Variants in GRIN2A observed in about 807,000 individuals in gnomAD.
The protein encoded by GRIN2A is glutamate ionotropic receptor NMDA type subunit 2A.
A neutral mutation model predicts 113.4 loss-of-function variants in GRIN2A; 22 were observed. The ratio of observed to expected loss-of-function variants is 0.19; its 90% confidence interval spans 0.14 to 0.28. The LOEUF is 0.28. Ranked by LOEUF, GRIN2A falls within the 10% of genes least tolerant of loss-of-function variation. GRIN2A has a pLI of 1.00. For synonymous variants in GRIN2A, 827 were observed against 738.4 expected (o/e 1.12, Z -1.94); for missense variants, 1,502 against 1,887.0 (o/e 0.80, Z 3.78).
chr16:9,795,657 A>T (rs139650799), intron 11 of GRIN2A, among the ~76,000 whole-genome samples: 5 of 152,314 alleles, frequency 3.3e-5, no homozygotes, highest in African/African-American at 9.6e-5. Context: ...TACAGGGTCT[A>T]TGCTAAGCTA....
At chr16:9,853,957 C>G (rs1254186303) in intron 4 of GRIN2A, among the ~76,000 whole-genome samples, 1 of 151,816 alleles carries the variant, frequency 6.6e-6, no homozygotes, top group Non-Finnish European at 1.5e-5. Flanking sequence ...AATATTATAC[C>G]TCAATAATCT....
intron 2 of GRIN2A, among the ~76,000 whole-genome samples, chr16:10,158,493 C>T (rs541994231): frequency 6.5e-4 from 99 of 152,112 alleles, no homozygotes; most frequent in Non-Finnish European, 1.1e-3. Context: ...GCACCATTCA[C>T]AATAGCTAAC....
intron 2 of GRIN2A, among the ~76,000 whole-genome samples, chr16:10,074,034 G>C (rs980148530): frequency 1.3e-5 from 2 of 151,612 alleles, no homozygotes; most frequent in Admixed American, 1.3e-4. Context: ...CTCAACAATA[G>C]AAAGGCGACT....
At chr16:9,806,633 C>T (rs1159900879) in intron 10 of GRIN2A, among the ~76,000 whole-genome samples, 3 of 149,780 alleles carry the variant, frequency 2.0e-5, no homozygotes, top group African/African-American at 4.9e-5. Flanking sequence ...AACATGAAGA[C>T]GGAGACAGAA....
intron 2 of GRIN2A, among the ~76,000 whole-genome samples, chr16:10,087,906 G>T (rs2048112906): frequency 6.1e-5 from 1 of 16,396 alleles, no homozygotes; most frequent in Non-Finnish European, 6.8e-3. Flanking sequence ...GCCCAGGCTG[G>T]TCTCGAACTC....
chr16:10,144,952 G>A, intron 2 of GRIN2A, among the ~76,000 whole-genome samples: 1 of 121,776 alleles, frequency 8.2e-6, no homozygotes, highest in Admixed American at 8.2e-5. Flanking sequence ...AGAGATGAAT[G>A]AATAAAGAAA....
intron 3 of GRIN2A, among the ~76,000 whole-genome samples, chr16:9,893,412 T>C (rs1003268837): frequency 6.6e-6 from 1 of 152,104 alleles, no homozygotes; most frequent in Non-Finnish European, 1.5e-5. Context: ...TTCTATCTGG[T>C]TTATTTGGGG....
chr16:9,830,480 C>CAAAAAAAAA (rs71400501), intron 8 of GRIN2A, among the ~76,000 whole-genome samples: 2 of 73,070 alleles, frequency 2.7e-5, no homozygotes, highest in Non-Finnish European at 6.1e-5. Flanking sequence ...TCTGCATGGG[C>CAAAAAAAAA]AAAAAAAAAA....
At chr16:9,784,450 AAAAC>A (rs1039429161) in intron 11 of GRIN2A, among the ~76,000 whole-genome samples, 27 of 148,400 alleles carry the variant, frequency 1.8e-4, no homozygotes, top group Non-Finnish European at 3.1e-4. Flanking sequence ...CCAAAAAAAA[AAAAC>A]AAACAAACAA....
intron 4 of GRIN2A, among the ~76,000 whole-genome samples, chr16:9,883,862 G>A (rs1257523223): frequency 1.3e-5 from 2 of 152,192 alleles, no homozygotes; most frequent in Non-Finnish European, 2.9e-5. Context: ...AGACCCATCA[G>A]AGCGAGAATG....
intron 2 of GRIN2A, among the ~76,000 whole-genome samples, chr16:9,942,945 G>C (rs1324914322): frequency 6.6e-6 from 1 of 152,178 alleles, no homozygotes; most frequent in East Asian, 1.9e-4. Context: ...TTGCATAGCA[G>C]AGCAATGAAG....
At chr16:9,852,611 A>G (rs2042903971) in intron 4 of GRIN2A, among the ~76,000 whole-genome samples, 1 of 152,164 alleles carries the variant, frequency 6.6e-6, no homozygotes, top group Non-Finnish European at 1.5e-5. Context: ...GGTAGAGAGA[A>G]CTCGATCAGG....
Position 10,180,436 on chromosome 16 carries a change from G to C in GRIN2A, c.-18-7C>G. 6.3e-7 allele frequency: 1 copy of C among 1,599,342 alleles called. No individual in the cohort carries two copies. The highest frequency in any genetic ancestry group is 8.5e-7 in the Non-Finnish European group (1 of 1,177,934). Reference sequence around the variant, plus strand: ...TAGTCGCCACTGACGGTCCCTGCAAGGTGAAGAGTGAGAGGCAGGGCCGCG... The same window carrying C: ...TAGTCGCCACTGACGGTCCCTGCAACGTGAAGAGTGAGAGGCAGGGCCGCG... On this transcript the variant is annotated splice_polypyrimidine_tract_variant and splice_region_variant and intron_variant, in intron 1 of 12. Coordinates refer to ENST00000330684, the MANE Select transcript of GRIN2A (RefSeq NM_001134407.3). This position sits in a 1 kb window ranked among gnomAD's most constrained non-coding sequence, Gnocchi z 7.0.
At chr16:9,902,278 G>A (rs2043944184) in intron 3 of GRIN2A, among the ~76,000 whole-genome samples, 1 of 152,162 alleles carries the variant, frequency 6.6e-6, no homozygotes. Flanking sequence ...CTTATAGGAA[G>A]TACTGTAAAA....
chr16:9,943,794 C>G (rs545694532), intron 2 of GRIN2A, among the ~76,000 whole-genome samples: 1 of 152,310 alleles, frequency 6.6e-6, no homozygotes, highest in East Asian at 1.9e-4. Context: ...ATATGAATCC[C>G]TTGAAGAGTT....
intron 11 of GRIN2A, among the ~76,000 whole-genome samples, chr16:9,785,775 G>GC (rs1159338159): frequency 1.3e-5 from 2 of 152,136 alleles, no homozygotes; most frequent in Non-Finnish European, 1.5e-5. Flanking sequence ...ATGTAGAAAT[G>GC]CCCCACAGGA....
At chr16:10,076,906 C>T (rs2047883466) in intron 2 of GRIN2A, among the ~76,000 whole-genome samples, 1 of 152,200 alleles carries the variant, frequency 6.6e-6, no homozygotes, top group African/African-American at 2.4e-5. Flanking sequence ...TTACCTTACA[C>T]AGCAAAGGGG....
chr16:9,996,080 C>G (rs1596400757), intron 2 of GRIN2A, among the ~76,000 whole-genome samples: 1 of 106,934 alleles, frequency 9.4e-6, no homozygotes, highest in Non-Finnish European at 1.9e-5. Flanking sequence ...GGGAAGAGAA[C>G]AGAAGGAAAC....
intron 11 of GRIN2A, among the ~76,000 whole-genome samples, chr16:9,795,304 C>T (rs1368151598): frequency 1.3e-5 from 2 of 152,110 alleles, no homozygotes; most frequent in East Asian, 3.9e-4. Flanking sequence ...GATCTCTGGT[C>T]GTCCCCACTG....
Sources: gnomAD v4.1 joint callset for allele counts (sites outside exome capture counted in the v4.1 genomes callset) on GRCh38, gnomAD v4.1.1 for gene constraint, Gnocchi (gnomAD v3.1) non-coding constraint, MANE v1.5 for transcripts, NCBI Gene and HGNC (gene_info 2026-07-23, HGNC 2026-07-21) for gene names.